Variants in NAALADL2 observed in about 807,000 individuals in gnomAD.
NAALADL2 encodes the protein inactive N-acetylated-alpha-linked acidic dipeptidase-like protein 2.
A neutral mutation model predicts 87.2 loss-of-function variants in NAALADL2; 76 were observed. The observed-to-expected ratio is 0.87, with a 90% CI of 0.72 to 1.05. The LOEUF is 1.05. NAALADL2 is among the 50% of genes least tolerant of loss of function. NAALADL2 has a pLI of 0.00. For missense variants in NAALADL2, 1,089 were observed against 945.8 expected (o/e 1.15, Z -1.99); for synonymous variants, 354 against 331.0 (o/e 1.07, Z -0.75).
chr3:174,996,168 G>A (rs1467325814), intron 1 of NAALADL2, among the ~76,000 whole-genome samples: 1 of 152,122 alleles, frequency 6.6e-6, no homozygotes, highest in Non-Finnish European at 1.5e-5. Context: ...TAATCTACTA[G>A]TTCTATTTAC....
At chr3:175,443,112 C>T (rs1720093328) in intron 5 of NAALADL2, among the ~76,000 whole-genome samples, 1 of 152,150 alleles carries the variant, frequency 6.6e-6, no homozygotes, top group Non-Finnish European at 1.5e-5. Context: ...ATAATTTAAT[C>T]TTAGTGTCTT....
intron 1 of NAALADL2, among the ~76,000 whole-genome samples, chr3:175,013,185 TAA>T (rs1250794822): frequency 1.1e-5 from 1 of 94,400 alleles, no homozygotes; most frequent in Non-Finnish European, 1.9e-5. Context: ...TATTTATATA[TAA>T]ATATATATAC....
rs1741530268 is a variant in NAALADL2 at position 175,210,015 on chromosome 3, T to C, written c.546-23916T>C. On this transcript the variant is annotated intron_variant, in intron 2 of 13. Transcript: ENST00000454872. ...ATACTAAATTCCATGAATGTATTAA[T>C]ATTATACATACAATAGAATGAAATA... 2.0e-5 allele frequency among the ~76,000 whole-genome samples: 3 copies of C among 151,854 alleles called. No individual in the cohort carries two copies. The South Asian group carries it at 6.2e-4, about 31-fold the overall frequency.
chr3:175,286,005 A>G (rs1754928238), intron 4 of NAALADL2, among the ~76,000 whole-genome samples: 1 of 152,212 alleles, frequency 6.6e-6, no homozygotes, highest in African/African-American at 2.4e-5. Flanking sequence ...AATACGTTGT[A>G]AAAACTTGTT....
intron 6 of NAALADL2, among the ~76,000 whole-genome samples, chr3:175,459,553 A>T (rs1195918105): frequency 6.6e-6 from 1 of 152,110 alleles, no homozygotes; most frequent in Non-Finnish European, 1.5e-5. Context: ...ATTTTTCCAG[A>T]AAAAAAGGAA....
At chr3:175,308,903 A>G (rs78679495) in intron 4 of NAALADL2, among the ~76,000 whole-genome samples, 1 of 152,328 alleles carries the variant, frequency 6.6e-6, no homozygotes, top group Non-Finnish European at 1.5e-5. Context: ...TGAATTCTGT[A>G]CATGAACTAG....
chr3:175,611,759 G>T (rs1039772844), intron 10 of NAALADL2, among the ~76,000 whole-genome samples: 1 of 152,036 alleles, frequency 6.6e-6, no homozygotes, highest in Non-Finnish European at 1.5e-5. Flanking sequence ...GTTGGAGGTT[G>T]GATAATTTGT....
At chr3:175,678,868 T>C (rs570536219) in intron 11 of NAALADL2, among the ~76,000 whole-genome samples, 2 of 152,302 alleles carry the variant, frequency 1.3e-5, no homozygotes, top group Admixed American at 1.3e-4. Flanking sequence ...TGCATCCATG[T>C]GAAGAGACCA....
At chr3:175,797,981 T>A (rs1753711078) in intron 13 of NAALADL2, among the ~76,000 whole-genome samples, 1 of 152,092 alleles carries the variant, frequency 6.6e-6, no homozygotes, top group African/African-American at 2.4e-5. Context: ...AACATGATTT[T>A]GTTTTAACCT....
intron 2 of NAALADL2, among the ~76,000 whole-genome samples, chr3:174,734,001 C>G (rs1330490582): frequency 6.6e-6 from 1 of 152,040 alleles, no homozygotes; most frequent in Non-Finnish European, 1.5e-5. Context: ...AGCTTTAAGA[C>G]CAGAAGGGTC....
intron 5 of NAALADL2, among the ~76,000 whole-genome samples, chr3:175,343,665 T>TGTTTTTG (rs1491569296): frequency 7.2e-6 from 1 of 139,302 alleles, no homozygotes; most frequent in African/African-American, 2.9e-5. Context: ...GTTTTTTTTT[T>TGTTTTTG]TTTTTTTTTT....
chr3:174,627,166 G>A (rs484513), intron 2 of NAALADL2, among the ~76,000 whole-genome samples: 93,232 of 151,976 alleles, frequency 0.61, 29,396 homozygotes, highest in East Asian at 0.86. Context: ...GTATTTTGAA[G>A]TAATGGAGCA....
chr3:174,758,812 G>A (rs540258553), intron 3 of NAALADL2, among the ~76,000 whole-genome samples: 1 of 152,276 alleles, frequency 6.6e-6, no homozygotes, highest in East Asian at 1.9e-4. Flanking sequence ...CTTTTCATTG[G>A]ATCATGAGAA....
intron 2 of NAALADL2, among the ~76,000 whole-genome samples, chr3:174,727,197 T>G (rs921264154): frequency 1.4e-5 from 2 of 145,804 alleles, no homozygotes; most frequent in Non-Finnish European, 3.0e-5. Flanking sequence ...TGTTTTCTTG[T>G]TTTTTTTTCA....
At chr3:175,350,497 A>T (rs1156256744) in intron 5 of NAALADL2, among the ~76,000 whole-genome samples, 2 of 152,192 alleles carry the variant, frequency 1.3e-5, no homozygotes, top group Non-Finnish European at 2.9e-5. Context: ...AGGACTCAAC[A>T]GCAGTCAGAG....
rs548619022 is a variant in NAALADL2 at position 175,193,471 on chromosome 3, G to A, written c.546-40460G>A. Among the ~76,000 whole-genome samples the A allele has an allele frequency of 7.2e-5, 11 of 151,856 alleles. No individual in the cohort carries two copies. The South Asian group carries it at 1.9e-3, about 26-fold the overall frequency. Reference sequence around the variant, plus strand: ...TTTCAGGCCAAAAAATGGTCTCTGTGAATATCCTACACAGACATTTACTCA... The same window carrying A: ...TTTCAGGCCAAAAAATGGTCTCTGTAAATATCCTACACAGACATTTACTCA... On this transcript the variant is annotated intron_variant, in intron 2 of 13. Coordinates refer to ENST00000454872, the MANE Select transcript of NAALADL2 (RefSeq NM_207015.3).
At chr3:174,641,161 C>A in intron 2 of NAALADL2, among the ~76,000 whole-genome samples, 1 of 152,138 alleles carries the variant, frequency 6.6e-6, no homozygotes, top group African/African-American at 2.4e-5. Context: ...CCTCCTGCTG[C>A]CAAAGAAGCA....
At chr3:175,504,356 G>T (rs967018180) in intron 9 of NAALADL2, among the ~76,000 whole-genome samples, 1 of 152,138 alleles carries the variant, frequency 6.6e-6, no homozygotes, top group Admixed American at 6.5e-5. Context: ...ATTTTGGGGG[G>T]CCAGGGTGAA....
At chr3:175,680,581 C>T (rs1269268368) in intron 11 of NAALADL2, among the ~76,000 whole-genome samples, 1 of 152,002 alleles carries the variant, frequency 6.6e-6, no homozygotes, top group East Asian at 1.9e-4. Flanking sequence ...ATCCTTGATC[C>T]CATTTAGTCC....
Sources: gnomAD v4.1 joint callset for allele counts (sites outside exome capture counted in the v4.1 genomes callset) on GRCh38, gnomAD v4.1.1 for gene constraint, MANE v1.5 for transcripts, NCBI Gene and HGNC (gene_info 2026-07-23, HGNC 2026-07-21) for gene names.